Variants in ACO1 observed in about 807,000 individuals in gnomAD.
ACO1 encodes the protein aconitase 1, also known as cytoplasmic aconitate hydratase.
In ACO1, 78 loss-of-function variants were observed where a neutral mutation model predicts 105.1. The observed-to-expected ratio is 0.74, with a 90% CI of 0.62 to 0.90. The LOEUF is 0.90. Ranked by LOEUF, ACO1 falls within the 40% of genes least tolerant of loss-of-function variation. The pLI, the probability that ACO1 is intolerant of heterozygous loss-of-function variation, is 0.00. For synonymous variants in ACO1, 364 were observed against 397.4 expected, an observed-to-expected ratio of 0.92 and a Z score of 1.00; for missense variants, 965 against 1,111.1, an observed-to-expected ratio of 0.87 and a Z score of 1.87.
At chr9:32,422,919 T>C in intron 8 of ACO1, among the ~76,000 whole-genome samples, 1 of 152,228 alleles carries the variant, frequency 6.6e-6, no homozygotes, top group South Asian at 2.1e-4. Context: ...GGATGCGTTT[T>C]AATTTTAACG....
intron 1 of ACO1, among the ~76,000 whole-genome samples, chr9:32,402,256 A>G (rs568039767): frequency 8.4e-4 from 127 of 152,038 alleles, no homozygotes; most frequent in African/African-American, 3.0e-3. Context: ...CTCATTCTAT[A>G]GAACAAAGAA....
rs375525370 is a variant in ACO1, at chr9:32,425,762, T to C, written c.1189-76T>C. 1.1e-5 allele frequency: 11 copies of C among 1,045,660 alleles called. No homozygotes were observed. The East Asian group carries it at 1.4e-4, about 13-fold the overall frequency. 64.8% of individuals were successfully genotyped at this position (1,045,660 alleles called of 1,614,324 possible). A position where few individuals can be genotyped will look rare whatever the true frequency, so the allele number is the denominator to read the frequency against. On this transcript the variant is annotated intron_variant, in intron 10 of 20. Transcript: ENST00000309951. ...GTGAGAACTGTTGACTATATGTATG[T>C]ATTTTCCTCTAGCCAGATACATGTA...
rs1262323203 is a variant in ACO1 at position 32,418,377 on chromosome 9, G to C, written c.524G>C (p.Gly175Ala). Residue 175 changes from glycine (G) to alanine (A), a missense_variant, in exon 6 of 21, where the codon GGA becomes GCA. Physicochemically the swap from Gly to Ala is moderately conservative, Grantham distance 60. Transcript: ENST00000309951. ...ATGCGGATTATTCCCCCTGGCTCAG[G>C]AATCATCCACCAGGTGAATTTGGAA... ...HNMRIIPPGS[G>A]IIHQVNLEYL... The C allele has an allele frequency of 6.2e-7, 1 of 1,614,148 alleles. No individual in the cohort carries two copies. The highest frequency in any genetic ancestry group is 2.2e-5 in the East Asian group (1 of 44,890).
intron 7 of ACO1, 111 bp from the exon 8 acceptor site, chr9:32,420,745 A>T: frequency 1.8e-6 from 2 of 1,104,224 alleles, no homozygotes; most frequent in Non-Finnish European, 2.6e-6. Context: ...GGGCTGATTT[A>T]CTATTTGGGT....
chr9:32,412,115 G>T (rs901284228), intron 4 of ACO1, among the ~76,000 whole-genome samples: 1 of 152,150 alleles, frequency 6.6e-6, no homozygotes, highest in African/African-American at 2.4e-5. Context: ...ATGAAGCCTA[G>T]AAACATTCTA....
Position 32,418,456 on chromosome 9 carries a change from C to T in ACO1, c.603C>T (p.Leu201=), listed in dbSNP as rs139223145. 1.8e-5 allele frequency: 29 copies of T among 1,614,128 alleles called. No homozygotes were observed. In the African/African-American group the frequency reaches 2.9e-4, roughly 16 times the overall value. ...ATGGATATTATTACCCAGACAGCCT[C>T]GTGGGCACAGACTCGCACACTACCA... is the stretch of plus-strand genomic sequence containing the variant. The part of the protein sequence containing the change: ...DQDGYYYPDS[L]VGTDSHTTMI... The change falls in exon 6 of 21, where the codon CTC becomes CTT. Residue 201 remains leucine (L), a synonymous_variant. Coordinates refer to ENST00000309951, the MANE Select transcript of ACO1 (RefSeq NM_002197.3).
At chr9:32,435,081 G>C (rs1254981351) in intron 17 of ACO1, among the ~76,000 whole-genome samples, 5 of 152,198 alleles carry the variant, frequency 3.3e-5, no homozygotes, top group Non-Finnish European at 5.9e-5. Context: ...AACGTTTACA[G>C]AGCACTGCTT....
chr9:32,422,992 A>G (rs1042064236), intron 8 of ACO1, among the ~76,000 whole-genome samples: 1 of 152,228 alleles, frequency 6.6e-6, no homozygotes, highest in African/African-American at 2.4e-5. Flanking sequence ...GTGTGCTTTC[A>G]CAATTAGCTC....
At chr9:32,395,099 G>T (rs1476324689) in intron 1 of ACO1, among the ~76,000 whole-genome samples, 2 of 152,196 alleles carry the variant, frequency 1.3e-5, no homozygotes, top group Non-Finnish European at 2.9e-5. Flanking sequence ...CTTTCTTAAA[G>T]ATTGGATCTC....
chr9:32,385,634 ATC>A (rs1480160973), intron 1 of ACO1, among the ~76,000 whole-genome samples: 9 of 152,172 alleles, frequency 5.9e-5, no homozygotes, highest in Non-Finnish European at 1.0e-4. Flanking sequence ...ATTTTTGCAA[ATC>A]TCTTTGATGT....
intron 1 of ACO1, among the ~76,000 whole-genome samples, chr9:32,385,778 A>G (rs1202889150): frequency 6.6e-6 from 1 of 152,204 alleles, no homozygotes; most frequent in East Asian, 1.9e-4. Flanking sequence ...AGCAAGTAAC[A>G]TTTTATTACT....
At chr9:32,433,959 G>C in intron 16 of ACO1, 127 bp downstream of exon 16, 2 of 775,926 alleles carry the variant, frequency 2.6e-6, no homozygotes, top group Non-Finnish European at 4.0e-6. Context: ...AACCCAAGCA[G>C]ATACTGCTGG....
intron 19 of ACO1, among the ~76,000 whole-genome samples, chr9:32,443,862 C>T (rs936698233): frequency 6.6e-6 from 1 of 152,074 alleles, no homozygotes; most frequent in Non-Finnish European, 1.5e-5. Context: ...ACTTTAAGTT[C>T]TGGGGTACAT....
intron 16 of ACO1, 101 bp downstream of exon 16, chr9:32,433,933 T>C: frequency 1.0e-6 from 1 of 970,664 alleles, no homozygotes; most frequent in Non-Finnish European, 1.5e-6. Flanking sequence ...CTACCCATTT[T>C]ATTAAACCCT....
At chr9:32,441,471 C>G (rs182826211) in intron 19 of ACO1, among the ~76,000 whole-genome samples, 1 of 152,266 alleles carries the variant, frequency 6.6e-6, no homozygotes, top group East Asian at 1.9e-4. Context: ...AGGCAGTTCT[C>G]CAGACATTTA....
chr9:32,416,219 C>G (rs573541175), intron 4 of ACO1, among the ~76,000 whole-genome samples: 1 of 151,640 alleles, frequency 6.6e-6, no homozygotes, highest in Non-Finnish European at 1.5e-5. Flanking sequence ...CTCAGCCTCT[C>G]GAGTAGCTGG....
Position 32,410,285 on chromosome 9 carries a change from G to A in ACO1, c.404+1634G>A, listed in dbSNP as rs925032235. Among the ~76,000 whole-genome samples, 6 of 152,294 alleles carry A rather than the reference G, an allele frequency of 3.9e-5. 1 individual carries two copies. Among genetic ancestry groups the A allele is most frequent in the South Asian group, 2.1e-4 (1 of 4,818 alleles). On this transcript the variant is annotated intron_variant, in intron 4 of 20. Coordinates refer to ENST00000309951, the MANE Select transcript of ACO1 (RefSeq NM_002197.3). ...AGAGTAGAGTACCTGATGGCCGGGC[G>A]TGGTGGCTCACGCCTGTAATCCCAG...
intron 18 of ACO1, among the ~76,000 whole-genome samples, chr9:32,437,651 G>A (rs1822390975): frequency 6.6e-6 from 1 of 152,156 alleles, no homozygotes; most frequent in Admixed American, 6.5e-5. Flanking sequence ...CATCTTAAAT[G>A]AGACAGAATC....
chr9:32,447,411 C>T (rs1466869771), intron 19 of ACO1, among the ~76,000 whole-genome samples: 1 of 150,862 alleles, frequency 6.6e-6, no homozygotes, highest in African/African-American at 2.5e-5. Flanking sequence ...TTTTTCAGCT[C>T]TATCAGGTCA....
Sources: gnomAD v4.1 joint callset for allele counts (sites outside exome capture counted in the v4.1 genomes callset) on GRCh38, gnomAD v4.1.1 for gene constraint, MANE v1.5 for transcripts, NCBI Gene and HGNC (gene_info 2026-07-23, HGNC 2026-07-21) for gene names.